REN: variants seen among roughly 807,000 people sequenced by gnomAD.
REN encodes renin, also known as angiotensin-forming enzyme.
A neutral mutation model predicts 48.6 loss-of-function variants in REN; 42 were observed. The observed-to-expected ratio is 0.86, with a 90% CI of 0.68 to 1.12. The LOEUF (loss-of-function observed/expected upper bound fraction) is 1.12. REN is among the 50% of genes most tolerant of loss of function. The probability of loss-of-function intolerance (pLI) is 0.00; values close to 1 mark genes in which losing one functional copy is unlikely to be tolerated. For synonymous variants in REN, 196 were observed against 204.6 expected (o/e 0.96, Z 0.36); for missense variants, 443 against 527.3 (o/e 0.84, Z 1.57).
chr1:204,164,323 C>G (rs1012582246), intron 1 of REN, among the ~76,000 whole-genome samples: 1 of 152,180 alleles, frequency 6.6e-6, no homozygotes, highest in African/African-American at 2.4e-5. Flanking sequence ...TATCACCTCC[C>G]TGAGCCTCAG....
chr1:204,155,459 A>G (rs1356651401), intron 9 of REN, among the ~76,000 whole-genome samples: 1 of 152,208 alleles, frequency 6.6e-6, no homozygotes, highest in Non-Finnish European at 1.5e-5. Flanking sequence ...TAGACAAGTT[A>G]TTCAACTTCT....
At chr1:204,165,621 C>T (rs1307650421) in intron 1 of REN, among the ~76,000 whole-genome samples, 1 of 150,610 alleles carries the variant, frequency 6.6e-6, no homozygotes, top group Non-Finnish European at 1.5e-5. Context: ...GAGATGGAGT[C>T]TTGTTCTGTC....
chr1:204,162,256 A>G, intron 1 of REN, 93 bp from the exon 2 acceptor site: 1 of 1,395,934 alleles, frequency 7.2e-7, no homozygotes, highest in Non-Finnish European at 1.0e-6. Flanking sequence ...TTTTAGTACA[A>G]CCACCTTTAA....
Position 204,159,554 on chromosome 1 carries a change from C to T in REN, c.534G>A (p.Thr178=), listed in dbSNP as rs1023661590. ...ITVTQMFGEV[T]EMPALPFMLA... is the part of the protein sequence containing the mutation. Reference sequence around the variant, plus strand: ...GCATGAAGGGTAAGGCGGGCATCTCCGTGACCTCTCCAAACATCTGTGTCA... The same window carrying T: ...GCATGAAGGGTAAGGCGGGCATCTCTGTGACCTCTCCAAACATCTGTGTCA... Residue 178 remains threonine, a synonymous_variant, in exon 5 of 10, where the codon ACG becomes ACA. Transcript: ENST00000272190. 2.5e-6 allele frequency: 4 copies of T among 1,614,172 alleles called. No homozygotes were observed. The highest frequency in any genetic ancestry group is 4.5e-5 in the East Asian group (2 of 44,872).
rs570094618 is a variant in REN at position 204,161,904 on chromosome 1, G to A, written c.249+109C>T. On this transcript the variant is annotated intron_variant, in intron 2 of 9. Coordinates refer to ENST00000272190, the MANE Select transcript of REN (RefSeq NM_000537.4). ...CTAGGGTGCTCACGTGCTACTCAGC[G>A]CCTTCGTCAAACACAGCTTGGAAAG... is the stretch of plus-strand genomic sequence containing the variant. 58 of 1,406,466 alleles carry A rather than the reference G, an allele frequency of 4.1e-5. No homozygotes were observed. The Middle Eastern group carries it at 9.5e-4, about 23-fold the overall frequency. The allele number at this position is 1,406,466 out of a possible 1,614,324, so 87.1% of individuals were successfully genotyped here. A position where few individuals can be genotyped will look rare whatever the true frequency, so the allele number is the denominator to read the frequency against.
At chr1:204,162,241 C>T (rs1658259644) in intron 1 of REN, 78 bp from the exon 2 acceptor site, 1 of 1,532,790 alleles carries the variant, frequency 6.5e-7, no homozygotes, top group Non-Finnish European at 9.0e-7. Flanking sequence ...AGGCCAAACC[C>T]CTGCTTTTAG....
At chr1:204,158,375 C>CT (rs1658186976) in intron 5 of REN, among the ~76,000 whole-genome samples, 1 of 147,072 alleles carries the variant, frequency 6.8e-6, no homozygotes, top group African/African-American at 2.5e-5. Context: ...CTCCTCTATT[C>CT]TTTTTGCCAC....
chr1:204,165,411 C>A (rs1658326364), intron 1 of REN, among the ~76,000 whole-genome samples: 1 of 152,184 alleles, frequency 6.6e-6, no homozygotes, highest in Non-Finnish European at 1.5e-5. Context: ...TATTATCATA[C>A]CTGTTTAAAA....
chr1:204,162,146 A>C lies in REN; in HGVS notation c.116T>G (p.Met39Arg). The C allele has an allele frequency of 6.2e-7, 1 of 1,614,142 alleles. No individual in the cohort carries two copies. Among genetic ancestry groups the C allele is most frequent in the Non-Finnish European group, 8.5e-7 (1 of 1,180,022 alleles). ...TTFKRIFLKR[M>R]PSIRESLKER... ...CTTCAGGCTTTCTCGGATTGAGGGCATTCTCTTGAGGAAGATCCTGGCCCA... is the reference window on the plus strand; with the variant it reads ...CTTCAGGCTTTCTCGGATTGAGGGCCTTCTCTTGAGGAAGATCCTGGCCCA... Residue 39 changes from methionine to arginine, a missense_variant, in exon 2 of 10, where the codon ATG (methionine) becomes AGG (arginine). Transcript: ENST00000272190.
intron 5 of REN, 139 bp from the exon 6 acceptor site, chr1:204,157,508 T>A: frequency 8.3e-7 from 1 of 1,206,178 alleles, no homozygotes; most frequent in Non-Finnish European, 1.2e-6. Flanking sequence ...GTCACTTGCC[T>A]GAAGTTACCC....
At position 204,156,446 on chromosome 1, in the gene REN, G is replaced by C. The variant is rs1658152668; in HGVS notation, c.819-127C>G. On this transcript the variant is annotated intron_variant, in intron 7 of 9. Coordinates refer to ENST00000272190, the MANE Select transcript of REN (RefSeq NM_000537.4). This position sits in a 1 kb window ranked among gnomAD's most constrained non-coding sequence, Gnocchi z 4.2. ...GAGGCCACGCTGGTGGCCTGTTGAG[G>C]CAGTGAGTAGAGGAGGGAAGGTACT... The C allele has an allele frequency of 3.5e-6, 5 of 1,419,698 alleles. No homozygotes were observed. Among genetic ancestry groups the C allele is most frequent in the Non-Finnish European group, 4.8e-6 (5 of 1,035,976 alleles). 87.9% of individuals were successfully genotyped at this position (1,419,698 alleles called of 1,614,324 possible).
intron 1 of REN, among the ~76,000 whole-genome samples, chr1:204,164,565 C>CTTTTTTTTTTTTTTTTT: frequency 2.1e-5 from 2 of 93,714 alleles, no homozygotes; most frequent in Non-Finnish European, 3.9e-5. Context: ...CTTCTTCAGT[C>CTTTTTTTTTTTTTTTTT]TTTTTTTTTT....
At chr1:204,157,315 G>A (rs1458962180) in intron 6 of REN, 46 bp downstream of exon 6, 13 of 1,613,718 alleles carry the variant, frequency 8.1e-6, no homozygotes, top group Non-Finnish European at 1.1e-5. Context: ...CAGGTGCTCG[G>A]GGAGTACTGG....
At chr1:204,163,924 A>T (rs908629956) in intron 1 of REN, among the ~76,000 whole-genome samples, 16 of 152,314 alleles carry the variant, frequency 1.1e-4, no homozygotes, top group South Asian at 2.1e-4. Flanking sequence ...GTGCAGATGA[A>T]ACCATGCGAC....
rs1348681576 is a variant in REN at position 204,155,807 on chromosome 1, A to T, written c.1059+13T>A. The T allele has an allele frequency of 6.2e-7, 1 of 1,607,860 alleles. No homozygotes were observed. Among genetic ancestry groups the T allele is most frequent in the Non-Finnish European group, 8.5e-7 (1 of 1,175,624 alleles). On this transcript the variant is annotated intron_variant, in intron 9 of 9. Coordinates refer to ENST00000272190, the MANE Select transcript of REN (RefSeq NM_000537.4). ...TTTCTCCCTGCCACCGAGGGGGCCGACTCGAACCTCACCTGAAATACATAG... is the reference window on the plus strand; with the variant it reads ...TTTCTCCCTGCCACCGAGGGGGCCGTCTCGAACCTCACCTGAAATACATAG...
At chr1:204,163,758 C>T (rs531198006) in intron 1 of REN, among the ~76,000 whole-genome samples, 20 of 152,260 alleles carry the variant, frequency 1.3e-4, no homozygotes, top group South Asian at 1.2e-3. Flanking sequence ...TGGTGCCGTA[C>T]GGTGGTGAAG....
chr1:204,161,097 G>T (rs11571112), intron 3 of REN, among the ~76,000 whole-genome samples, 195 bp downstream of exon 3: 1,766 of 149,582 alleles, frequency 0.012, 22 homozygotes, highest in African/African-American at 0.042. Context: ...ACCTTTTTTT[G>T]TTTTTAACCT....
At chr1:204,163,762 G>A (rs1166075302) in intron 1 of REN, among the ~76,000 whole-genome samples, 1 of 152,144 alleles carries the variant, frequency 6.6e-6, no homozygotes, top group Non-Finnish European at 1.5e-5. Flanking sequence ...GCCGTACGGT[G>A]GTGAAGACAG....
chr1:204,160,658 C>T lies in REN; in HGVS notation c.394G>A (p.Ala132Thr). The T allele has an allele frequency of 6.2e-7, 1 of 1,614,030 alleles. No individual in the cohort carries two copies. Among genetic ancestry groups the T allele is most frequent in the Non-Finnish European group, 8.5e-7 (1 of 1,179,876 alleles). The change falls in exon 4 of 10, where the codon GCT becomes ACT. Residue 132 changes from alanine (A) to threonine (T), a missense_variant. Ala to Thr is a moderately conservative substitution (Grantham distance 58). Transcript: ENST00000272190. Reference protein sequence around the residue: ...TACVYHKLFDASDSSSYKHNG... With the variant: ...TACVYHKLFDTSDSSSYKHNG... Reference sequence around the variant, plus strand: ...TGCTTGTAGCTGGAGGAATCCGAAGCATCGAAGAGCTTGTGATACACTGGC... The same window carrying T: ...TGCTTGTAGCTGGAGGAATCCGAAGTATCGAAGAGCTTGTGATACACTGGC...
Sources: gnomAD v4.1 joint callset for allele counts (sites outside exome capture counted in the v4.1 genomes callset) on GRCh38, gnomAD v4.1.1 for gene constraint, Gnocchi (gnomAD v3.1) non-coding constraint, MANE v1.5 for transcripts, NCBI Gene and HGNC (gene_info 2026-07-23, HGNC 2026-07-21) for gene names.